The following MYO1D variants were observed in gnomAD, a reference collection of about 807,000 sequenced individuals.
MYO1D encodes myosin ID, also known as unconventional myosin-Id.
MYO1D carries 83 observed loss-of-function variants against 122.0 expected under a neutral mutation model. The ratio of observed to expected loss-of-function variants is 0.68; its 90% CI spans 0.57 to 0.82. The LOEUF is 0.82. MYO1D is among the 40% of genes least tolerant of loss of function. The probability of loss-of-function intolerance (pLI) is 0.00; values close to 1 mark genes in which losing one functional copy is unlikely to be tolerated. For missense variants in MYO1D, 1,157 were observed against 1,269.5 expected (o/e 0.91, Z 1.35); for synonymous variants, 464 against 446.9 (o/e 1.04, Z -0.48).
chr17:32,646,696 G>A (rs923819294), intron 19 of MYO1D, among the ~76,000 whole-genome samples: 1 of 152,060 alleles, frequency 6.6e-6, no homozygotes, highest in African/African-American at 2.4e-5. Context: ...TGAAAACACT[G>A]TTTGAAAATA....
intron 21 of MYO1D, among the ~76,000 whole-genome samples, chr17:32,563,995 T>C (rs750020991): frequency 6.6e-6 from 1 of 152,256 alleles, no homozygotes; most frequent in Non-Finnish European, 1.5e-5. Flanking sequence ...ATCCATCAAT[T>C]GATTAAAATC....
intron 16 of MYO1D, among the ~76,000 whole-genome samples, chr17:32,662,170 C>T (rs535734655): frequency 1.9e-4 from 29 of 152,264 alleles, no homozygotes; most frequent in African/African-American, 6.7e-4. Flanking sequence ...ACTACTCTTC[C>T]ACGTTGGATC....
At chr17:32,640,307 G>A (rs1238151389) in intron 19 of MYO1D, among the ~76,000 whole-genome samples, 1 of 152,112 alleles carries the variant, frequency 6.6e-6, no homozygotes, top group Non-Finnish European at 1.5e-5. Context: ...AGCTTCTATA[G>A]CAGCATTTTT....
chr17:32,528,807 G>A (rs774691734), intron 21 of MYO1D, among the ~76,000 whole-genome samples: 70 of 152,318 alleles, frequency 4.6e-4, no homozygotes, highest in African/African-American at 1.5e-3. Context: ...CCCAGAGGCC[G>A]GAGGGGTGGA....
chr17:32,561,750 T>G (rs2150890709), intron 21 of MYO1D, among the ~76,000 whole-genome samples: 1 of 151,624 alleles, frequency 6.6e-6, no homozygotes, highest in South Asian at 2.1e-4. Context: ...AAATCAAATT[T>G]TATCCATAAT....
chr17:32,574,474 C>A (rs573504555), intron 21 of MYO1D, among the ~76,000 whole-genome samples: 1 of 152,260 alleles, frequency 6.6e-6, no homozygotes, highest in African/African-American at 2.4e-5. Flanking sequence ...CCAAATCAGG[C>A]TAATTGTCTT....
intron 21 of MYO1D, among the ~76,000 whole-genome samples, chr17:32,546,458 A>C (rs749374809): frequency 6.6e-6 from 1 of 152,226 alleles, no homozygotes; most frequent in Non-Finnish European, 1.5e-5. Context: ...AAGCAGGGGC[A>C]CACAGAAAAC....
chr17:32,629,733 GAA>G (rs35731553), intron 20 of MYO1D, among the ~76,000 whole-genome samples: 6 of 127,596 alleles, frequency 4.7e-5, no homozygotes, highest in African/African-American at 1.1e-4. Flanking sequence ...TTCATCTCAA[GAA>G]AAAAAAAAAA....
At position 32,869,943 on chromosome 17, in the gene MYO1D, A is replaced by T. The variant is rs569260228; in HGVS notation, c.95+6835T>A. 6.3e-4 allele frequency among the ~76,000 whole-genome samples: 96 copies of T among 152,218 alleles called. 1 individual carries two copies. The highest frequency in any genetic ancestry group is 2.2e-3 in the African/African-American group (92 of 41,532). The stretch of plus-strand genomic sequence containing the variant: ...GTGAGACCTCGTCTAAAAAAAAGAA[A>T]AAAGAAAAGTAGATCCCATCAGAAC... On this transcript the variant is annotated intron_variant, in intron 1 of 21. Coordinates refer to ENST00000318217, the MANE Select transcript of MYO1D (RefSeq NM_015194.3).
chr17:32,589,567 C>T (rs1423023528), intron 21 of MYO1D, among the ~76,000 whole-genome samples: 1 of 152,190 alleles, frequency 6.6e-6, no homozygotes. Flanking sequence ...GAAGGGATTA[C>T]TGGACAGACC....
At chr17:32,735,218 C>T (rs768279776) in intron 14 of MYO1D, among the ~76,000 whole-genome samples, 4 of 152,030 alleles carry the variant, frequency 2.6e-5, no homozygotes, top group Non-Finnish European at 5.9e-5. Flanking sequence ...GAGATGGAGT[C>T]TCGCTCTGTT....
chr17:32,616,195 T>G (rs945925096), intron 20 of MYO1D, among the ~76,000 whole-genome samples: 1 of 152,228 alleles, frequency 6.6e-6, no homozygotes, highest in East Asian at 1.9e-4. Flanking sequence ...GGAACTCTAC[T>G]TAAGGAACTG....
chr17:32,563,301 C>T (rs1247706294), intron 21 of MYO1D, among the ~76,000 whole-genome samples: 1 of 149,558 alleles, frequency 6.7e-6, no homozygotes, highest in Non-Finnish European at 1.5e-5. Flanking sequence ...CCTCCGTCTC[C>T]CGGGTTCCAG....
intron 21 of MYO1D, among the ~76,000 whole-genome samples, chr17:32,603,303 C>T (rs1472542519): frequency 6.6e-6 from 1 of 152,028 alleles, no homozygotes; most frequent in Non-Finnish European, 1.5e-5. Context: ...TCAGAATTTG[C>T]TAAATAAGCA....
rs563224889 is a variant in MYO1D, at chr17:32,746,341, C to T, written c.1539-1056G>A. On this transcript the variant is annotated intron_variant, in intron 12 of 21. Transcript: ENST00000318217. ...GCTACAAAAAAGGATACACTCCAATCAGATGGACCTAGTTGCTATTTCCTG... is the reference window on the plus strand; with the variant it reads ...GCTACAAAAAAGGATACACTCCAATTAGATGGACCTAGTTGCTATTTCCTG... Among the ~76,000 whole-genome samples the T allele has an allele frequency of 3.9e-5, 6 of 152,340 alleles. No individual in the cohort carries two copies. The South Asian group carries it at 1.2e-3, about 32-fold the overall frequency.
chr17:32,811,720 G>T (rs1478359284), intron 1 of MYO1D, among the ~76,000 whole-genome samples: 4 of 137,854 alleles, frequency 2.9e-5, no homozygotes, highest in Non-Finnish European at 6.1e-5. Context: ...GCTATCCCCA[G>T]CTCCAAGAGA....
intron 21 of MYO1D, chr17:32,504,726 G>A (rs1031042803): frequency 1.3e-5 from 2 of 152,218 alleles, no homozygotes; most frequent in Non-Finnish European, 2.9e-5. Context: ...TTAGCATGAG[G>A]TCCATGCATG....
chr17:32,796,307 TACCTGGACCTGA>T (rs2090416605), intron 1 of MYO1D, among the ~76,000 whole-genome samples: 1 of 152,232 alleles, frequency 6.6e-6, no homozygotes, highest in Non-Finnish European at 1.5e-5. Context: ...AAATGAAGGA[TACCTGGACCTGA>T]TGTAGAAAAC....
chr17:32,703,468 TA>T (rs1297188042), intron 16 of MYO1D, among the ~76,000 whole-genome samples: 3 of 151,586 alleles, frequency 2.0e-5, no homozygotes, highest in Non-Finnish European at 4.4e-5. Flanking sequence ...TTTTTTGAGA[TA>T]GGGGTCTTGC....
Sources: allele counts gnomAD v4.1 joint callset (sites outside exome capture counted in the v4.1 genomes callset), GRCh38; gene constraint gnomAD v4.1.1; transcripts MANE v1.5; gene names NCBI Gene and HGNC (gene_info 2026-07-23, HGNC 2026-07-21).